The following TARS3 variants were observed in gnomAD, a reference collection of about 807,000 sequenced individuals.
TARS3 encodes the protein threonyl-tRNA synthetase 3.
A neutral mutation model predicts 103.5 loss-of-function variants in TARS3; 94 were observed. That is an observed-to-expected ratio of 0.91 (90% CI 0.77 to 1.08). The LOEUF (loss-of-function observed/expected upper bound fraction) is 1.08, where lower values mean the gene tolerates loss of function less well. Ranked by LOEUF, TARS3 falls within the 50% of genes least tolerant of loss-of-function variation. The probability of loss-of-function intolerance (pLI) is 0.00; values close to 1 mark genes in which losing one functional copy is unlikely to be tolerated. For missense variants in TARS3, 952 were observed against 995.2 expected (o/e 0.96, Z 0.58); for synonymous variants, 416 against 355.4 (o/e 1.17, Z -1.92).
In TARS3 at chr15:101,657,814, C is replaced by G. The variant is rs770457602; in HGVS notation, c.2116G>C (p.Gly706Arg). The stretch of plus-strand genomic sequence containing the variant: ...AGTGCATATTTTTCACAAGTTGGCC[C>G]CACAGGGATGACCATCACCTGACGA... Reference protein sequence around the residue: ...SPRQVMVIPVGPTCEKYALQV... With the variant: ...SPRQVMVIPVRPTCEKYALQV... Residue 706 changes from glycine (G) to arginine (R), a missense_variant, in exon 17 of 19, where the codon GGG (glycine) becomes CGG (arginine). By Grantham distance (125) the Gly-to-Arg change is moderately radical. Transcript: ENST00000335968. The G allele has an allele frequency of 1.2e-6, 2 of 1,609,806 alleles. No homozygotes were observed. Among genetic ancestry groups the G allele is most frequent in the Non-Finnish European group, 1.7e-6 (2 of 1,177,722 alleles).
At chr15:101,672,165 A>G (rs1897834378) in intron 13 of TARS3, among the ~76,000 whole-genome samples, 2 of 152,102 alleles carry the variant, frequency 1.3e-5, no homozygotes, top group African/African-American at 4.8e-5. Flanking sequence ...TGGGTGGGTA[A>G]GAAGGCCAAG....
chr15:101,696,656 C>G (rs1174932366), intron 10 of TARS3, among the ~76,000 whole-genome samples: 1 of 152,032 alleles, frequency 6.6e-6, no homozygotes, highest in Non-Finnish European at 1.5e-5. Flanking sequence ...GAACAGACAC[C>G]CTCTTGGCCA....
At chr15:101,697,794 A>G (rs1899053017) in intron 10 of TARS3, among the ~76,000 whole-genome samples, 1 of 152,176 alleles carries the variant, frequency 6.6e-6, no homozygotes, top group Non-Finnish European at 1.5e-5. Context: ...GACCCTTTCC[A>G]TTAAACACGA....
intron 16 of TARS3, among the ~76,000 whole-genome samples, chr15:101,658,638 C>T (rs1200637446): frequency 3.3e-5 from 5 of 152,138 alleles, no homozygotes; most frequent in Non-Finnish European, 7.3e-5. Context: ...GCTAAATACA[C>T]GTTCACACAA....
intron 15 of TARS3, among the ~76,000 whole-genome samples, chr15:101,662,807 A>C (rs545490286): frequency 1.6e-4 from 25 of 152,288 alleles, no homozygotes; most frequent in East Asian, 1.5e-3. Flanking sequence ...TGGGTATCCA[A>C]AATTTCTGTC....
intron 3 of TARS3, among the ~76,000 whole-genome samples, chr15:101,718,068 G>A (rs1355074967): frequency 6.6e-6 from 1 of 152,130 alleles, no homozygotes; most frequent in Non-Finnish European, 1.5e-5. Context: ...AAGAAAGCAG[G>A]TATAAAAGGG....
intron 6 of TARS3, among the ~76,000 whole-genome samples, chr15:101,708,352 A>C (rs1236785986): frequency 6.6e-6 from 1 of 152,030 alleles, no homozygotes; most frequent in African/African-American, 2.4e-5. Flanking sequence ...AAAATCAGGA[A>C]TATATTTAAG....
intron 18 of TARS3, 121 bp from the exon 19 acceptor site, chr15:101,654,851 G>A (rs1411308030): frequency 3.2e-6 from 3 of 932,852 alleles, no homozygotes; most frequent in East Asian, 2.6e-5. Flanking sequence ...ATCATCTAAT[G>A]AGCATTTGGT....
At chr15:101,709,203 G>C (rs575220382) in intron 5 of TARS3, among the ~76,000 whole-genome samples, 1 of 152,286 alleles carries the variant, frequency 6.6e-6, no homozygotes, top group East Asian at 1.9e-4. Context: ...TCTTTTGTGT[G>C]GTCTTCCTTA....
chr15:101,689,862 G>A (rs766559476), intron 10 of TARS3, among the ~76,000 whole-genome samples: 26 of 152,196 alleles, frequency 1.7e-4, no homozygotes, highest in Non-Finnish European at 2.4e-4. Context: ...CCCATCTGGG[G>A]TGCCACCAGG....
chr15:101,684,706 T>C (rs1330947470), intron 11 of TARS3, among the ~76,000 whole-genome samples: 3 of 152,178 alleles, frequency 2.0e-5, no homozygotes, highest in Non-Finnish European at 4.4e-5. Flanking sequence ...GGTTTGTGTC[T>C]TAATCACCTC....
At chr15:101,705,866 C>G in intron 6 of TARS3, 119 bp from the exon 7 acceptor site, 2 of 844,708 alleles carry the variant, frequency 2.4e-6, no homozygotes, top group South Asian at 3.1e-5. Flanking sequence ...TGCTGAGACA[C>G]GAGGGATACA....
chr15:101,707,780 G>C (rs1899643830), intron 6 of TARS3, among the ~76,000 whole-genome samples: 7 of 152,118 alleles, frequency 4.6e-5, no homozygotes, highest in Admixed American at 4.6e-4. Flanking sequence ...GTGATGGTTT[G>C]ACAACATTGT....
chr15:101,713,182 G>A (rs1899949085), intron 4 of TARS3, among the ~76,000 whole-genome samples: 1 of 152,232 alleles, frequency 6.6e-6, no homozygotes, highest in Non-Finnish European at 1.5e-5. Flanking sequence ...TGAGAAGGGT[G>A]TTTAAAAGGA....
rs770316318 is a variant in TARS3, at chr15:101,654,749, A to C, written c.2261-19T>G. 6.2e-7 allele frequency: 1 copy of C among 1,609,724 alleles called. No individual in the cohort carries two copies. Among genetic ancestry groups the C allele is most frequent in the African/African-American group, 1.3e-5 (1 of 74,584 alleles). On this transcript the variant is annotated intron_variant, in intron 18 of 18. Coordinates refer to ENST00000335968, the MANE Select transcript of TARS3 (RefSeq NM_152334.3). The stretch of plus-strand genomic sequence containing the variant: ...CCAACCACTGCAGAAAAGAAAGGTA[A>C]AGAAATGTATTTTAAATCAGCAATT...
At chr15:101,711,433 G>A (rs537911015) in intron 5 of TARS3, among the ~76,000 whole-genome samples, 2 of 152,226 alleles carry the variant, frequency 1.3e-5, no homozygotes, top group African/African-American at 2.4e-5. Flanking sequence ...CCTATATGTG[G>A]ATTTTCTTCT....
At chr15:101,665,237 C>T (rs1275821377) in intron 15 of TARS3, among the ~76,000 whole-genome samples, 3 of 152,066 alleles carry the variant, frequency 2.0e-5, no homozygotes, top group Non-Finnish European at 2.9e-5. Flanking sequence ...AAGTTCAAAC[C>T]GCCACAACAT....
rs575396147 is a variant in TARS3, at chr15:101,714,925, T to C, written c.605A>G (p.Asn202Ser). ...GCGGTCCAGGTCCCACAGTTCACCA[T>C]TGACTTTGGCTATTACCGTGCTTTC... ...LAESTVIAKV[N>S]GELWDLDRPL... The change falls in exon 4 of 19, where the codon AAT (asparagine) becomes AGT (serine). Residue 202 changes from asparagine (N) to serine (S), a missense_variant. Around this residue, in one of 2 missense-constraint regions of TARS3, gnomAD observed 412 missense variants for 364.2 expected, o/e 1.13. Transcript: ENST00000335968. 117 of 1,612,706 alleles carry C rather than the reference T, an allele frequency of 7.3e-5. No homozygotes were observed. Among genetic ancestry groups the C allele is most frequent in the East Asian group, 1.3e-4 (6 of 44,840 alleles).
chr15:101,709,907 G>A lies in TARS3; in HGVS notation c.813-997C>T, dbSNP rs565434651. Among the ~76,000 whole-genome samples the A allele has an allele frequency of 2.5e-4, 38 of 152,292 alleles. No individual in the cohort carries two copies. In the South Asian group the frequency reaches 7.5e-3, roughly 30 times the overall value. On this transcript the variant is annotated intron_variant, in intron 5 of 18. Transcript: ENST00000335968. ...GGTTTTTAAAATCCTGAAATCTCTGGAGTGATACGAGTGTCTTTTGTGTGC... is the reference window on the plus strand; with the variant it reads ...GGTTTTTAAAATCCTGAAATCTCTGAAGTGATACGAGTGTCTTTTGTGTGC...
Sources: gnomAD v4.1 joint callset for allele counts (sites outside exome capture counted in the v4.1 genomes callset) on GRCh38, gnomAD v4.1.1 for gene constraint, gnomAD v4.1.1 regional missense constraint, MANE v1.5 for transcripts, NCBI Gene and HGNC (gene_info 2026-07-23, HGNC 2026-07-21) for gene names.